TSPAN19: variants seen among roughly 807,000 people sequenced by gnomAD.
TSPAN19 encodes the protein tetraspanin 19.
A neutral mutation model predicts 35.1 loss-of-function variants in TSPAN19; 44 were observed. That is an observed-to-expected ratio of 1.25 (90% confidence interval 0.98 to 1.61). TSPAN19 has a LOEUF of 1.61. TSPAN19 is among the 40% of genes most tolerant of loss of function. The pLI is 0.00. For missense variants in TSPAN19, 290 were observed against 280.0 expected, an observed-to-expected ratio of 1.04 and a Z score of -0.26; for synonymous variants, 79 against 92.0, an observed-to-expected ratio of 0.86 and a Z score of 0.81.
intron 5 of TSPAN19, among the ~76,000 whole-genome samples, chr12:85,021,891 T>G (rs1334377204): frequency 6.6e-6 from 1 of 152,086 alleles, no homozygotes; most frequent in Non-Finnish European, 1.5e-5. Context: ...AAGTAGGACT[T>G]ACAGTGCTTC....
rs1005157121 is a variant in TSPAN19, at chr12:85,029,581, G to T, written c.139+138C>A. ...TATCCTTTAAAAAATCTCTACAACT[G>T]ATGAAGACTTTCAGAAGGAATGCTG... On this transcript the variant is annotated intron_variant, in intron 3 of 8. Transcript: ENST00000532498. The T allele has an allele frequency of 3.6e-5, 28 of 788,606 alleles. No homozygotes were observed. The Admixed American group carries it at 6.1e-4, about 17-fold the overall frequency. The allele number at this position is 788,606 out of a possible 1,614,324, so 48.9% of individuals were successfully genotyped here.
chr12:85,028,543 T>G (rs2135813110), intron 3 of TSPAN19, among the ~76,000 whole-genome samples: 1 of 152,292 alleles, frequency 6.6e-6, no homozygotes. Flanking sequence ...GAATGCTTGG[T>G]GCTATGGCAC....
At chr12:85,023,450 T>C (rs1877233554) in intron 4 of TSPAN19, 50 bp from the exon 5 acceptor site, 1 of 1,400,396 alleles carries the variant, frequency 7.1e-7, no homozygotes, top group Admixed American at 2.0e-5. Context: ...AATATATGTT[T>C]TGTATGCTCA....
In TSPAN19 at chr12:85,029,916, TAATA is replaced by T. The variant is rs1877606616; in HGVS notation, c.27_30del (p.Ile10SerfsTer27). 6.8e-7 allele frequency: 1 copy of T among 1,462,974 alleles called. No individual in the cohort carries two copies. The highest frequency in any genetic ancestry group is 1.3e-5 in the South Asian group (1 of 76,664). The allele number at this position is 1,462,974 out of a possible 1,614,324, so 90.6% of individuals were successfully genotyped here. A position where few individuals can be genotyped will look rare whatever the true frequency, so the allele number is the denominator to read the frequency against. On this transcript the variant is annotated frameshift_variant, in exon 2 of 9. Transcript: ENST00000532498. LOFTEE classifies it high-confidence loss of function. ...CCATTAATGAGATTAAGAAAGTACT[TAATA>T]ATTATTGTTTTGTTATTTCTTAACA...
At chr12:85,022,584 A>G (rs955606304) in intron 5 of TSPAN19, among the ~76,000 whole-genome samples, 8 of 152,104 alleles carry the variant, frequency 5.3e-5, no homozygotes, top group African/African-American at 1.9e-4. Context: ...AGGACATTAT[A>G]TTTTACAGAT....
chr12:85,033,997 A>G (rs1326708391), intron 1 of TSPAN19, among the ~76,000 whole-genome samples: 3 of 152,094 alleles, frequency 2.0e-5, no homozygotes, highest in Non-Finnish European at 4.4e-5. Flanking sequence ...AGAATGGGGA[A>G]TGGGATGGAA....
intron 6 of TSPAN19, 151 bp downstream of exon 6, chr12:85,019,475 A>G (rs1262552461): frequency 3.7e-6 from 2 of 542,536 alleles, no homozygotes; most frequent in Non-Finnish European, 6.6e-6. Flanking sequence ...CAAGATTTGT[A>G]AGTGTGGAGA....
At position 85,029,810 on chromosome 12, in the gene TSPAN19, T is replaced by C. The variant is rs1310270310; in HGVS notation, c.67-19A>G. ...CAAGAACCTAAAAAAAGAAAGTCAATGCTTATTTTTTTGTAATTGCCTATA... is the reference window on the plus strand; with the variant it reads ...CAAGAACCTAAAAAAAGAAAGTCAACGCTTATTTTTTTGTAATTGCCTATA... On this transcript the variant is annotated intron_variant, in intron 2 of 8. Coordinates refer to ENST00000532498, the MANE Select transcript of TSPAN19 (RefSeq NM_001100917.2). 6.5e-7 allele frequency: 1 copy of C among 1,539,530 alleles called. No homozygotes were observed. The highest frequency in any genetic ancestry group is 8.7e-7 in the Non-Finnish European group (1 of 1,143,206).
At chr12:85,023,035 T>C (rs917931884) in intron 5 of TSPAN19, among the ~76,000 whole-genome samples, 1 of 152,036 alleles carries the variant, frequency 6.6e-6, no homozygotes, top group African/African-American at 2.4e-5. Flanking sequence ...AGGTAAAAAT[T>C]TGAACTCCTA....
intron 1 of TSPAN19, chr12:85,035,393 C>G (rs1465285275): frequency 6.6e-6 from 1 of 151,964 alleles, no homozygotes; most frequent in Non-Finnish European, 1.5e-5. Flanking sequence ...AGACCTGAAA[C>G]CAAGTGTAGT....
In TSPAN19 at chr12:85,017,601, T is replaced by C. The variant is rs760713834; in HGVS notation, c.451-2A>G. ...ATTATGTTGGCCACAACACTGTAAC[T>C]AGGAAAAAGCTTATATGAATTTTAC... On this transcript the variant is annotated splice_acceptor_variant, in intron 6 of 8. Transcript: ENST00000532498. LOFTEE classifies it high-confidence loss of function. 2 of 1,551,906 alleles carry C rather than the reference T, an allele frequency of 1.3e-6. No individual in the cohort carries two copies. The highest frequency in any genetic ancestry group is 1.7e-6 in the Non-Finnish European group (2 of 1,149,986).
Position 85,029,774 on chromosome 12 carries a change from GAATA to G in TSPAN19, c.80_83del (p.Leu27SerfsTer10). 1.9e-6 allele frequency: 3 copies of G among 1,544,560 alleles called. No homozygotes were observed. The highest frequency in any genetic ancestry group is 2.6e-6 in the Non-Finnish European group (3 of 1,145,358). Reference sequence around the variant, plus strand: ...ATAAGAGCCATGCACCAAATCCCATGAATAAAAGTCCAAGAACCTAAAAAAAGAA... The same window carrying G: ...ATAAGAGCCATGCACCAAATCCCATGAAAGTCCAAGAACCTAAAAAAAGAA... On this transcript the variant is annotated frameshift_variant, in exon 3 of 9. Transcript: ENST00000532498. LOFTEE classifies it high-confidence loss of function.
chr12:85,017,059 A>T, intron 7 of TSPAN19: 2 of 176,692 alleles, frequency 1.1e-5, no homozygotes, highest in Non-Finnish European at 2.3e-5. Flanking sequence ...CACATTCATC[A>T]TTGCTGGGGT....
chr12:85,025,273 T>C (rs1274894822), intron 4 of TSPAN19, among the ~76,000 whole-genome samples: 1 of 151,208 alleles, frequency 6.6e-6, no homozygotes, highest in Non-Finnish European at 1.5e-5. Context: ...GTAGCTGGGA[T>C]TACCAGTGCC....
intron 8 of TSPAN19, chr12:85,015,318 T>A (rs1179588197): frequency 6.6e-6 from 1 of 151,934 alleles, no homozygotes; most frequent in Admixed American, 6.6e-5. Flanking sequence ...GTTGACACCT[T>A]TAGGTCATGG....
intron 5 of TSPAN19, among the ~76,000 whole-genome samples, chr12:85,021,084 A>G (rs180828609): frequency 6.6e-6 from 1 of 152,214 alleles, no homozygotes; most frequent in East Asian, 1.9e-4. Flanking sequence ...ACAAATTTAT[A>G]TAATTTTTTA....
chr12:85,033,095 G>A (rs1373350365), intron 1 of TSPAN19, among the ~76,000 whole-genome samples: 1 of 152,028 alleles, frequency 6.6e-6, no homozygotes, highest in African/African-American at 2.4e-5. Context: ...TTGAGGTGGG[G>A]ACAGGAAATA....
rs1330450844 is a variant in TSPAN19, at chr12:85,029,735, A to G, written c.123T>C (p.Asn41=). 6.5e-7 allele frequency: 1 copy of G among 1,538,776 alleles called. No homozygotes were observed. Among genetic ancestry groups the G allele is most frequent in the South Asian group, 1.3e-5 (1 of 79,960 alleles). ...FGAWLLLDRN[N]FLTAFDENNH... The stretch of plus-strand genomic sequence containing the variant: ...GATACATACCAAAAGCTGTTAAAAA[A>G]TTATTTCTATCTAATAAGAGCCATG... The change falls in exon 3 of 9, where the codon AAT becomes AAC. Residue 41 remains asparagine (N), a synonymous_variant. Coordinates refer to ENST00000532498, the MANE Select transcript of TSPAN19 (RefSeq NM_001100917.2).
At position 85,029,792 on chromosome 12, in the gene TSPAN19, CT is replaced by C; in HGVS notation, c.67-2del. 6.5e-7 allele frequency: 1 copy of C among 1,540,376 alleles called. No homozygotes were observed. Among genetic ancestry groups the C allele is most frequent in the Non-Finnish European group, 8.7e-7 (1 of 1,144,134 alleles). The stretch of plus-strand genomic sequence containing the variant: ...ATCCCATGAATAAAAGTCCAAGAAC[CT>C]AAAAAAAGAAAGTCAATGCTTATTT... On this transcript the variant is annotated splice_acceptor_variant, in intron 2 of 8. Transcript: ENST00000532498. LOFTEE classifies it high-confidence loss of function.
Sources: allele counts gnomAD v4.1 joint callset (sites outside exome capture counted in the v4.1 genomes callset), GRCh38; gene constraint gnomAD v4.1.1; transcripts MANE v1.5; gene names NCBI Gene and HGNC (gene_info 2026-07-23, HGNC 2026-07-21).